The following SLC4A4 variants were observed in gnomAD, a reference collection of about 807,000 sequenced individuals.
The protein encoded by SLC4A4 is solute carrier family 4 member 4, also known as electrogenic sodium bicarbonate cotransporter 1.
SLC4A4 carries 27 observed loss-of-function variants against 111.5 expected under a neutral mutation model. That is an observed-to-expected ratio of 0.24 (90% confidence interval 0.18 to 0.33). The LOEUF is 0.33. Ranked by LOEUF, SLC4A4 falls within the 10% of genes least tolerant of loss-of-function variation. The probability of loss-of-function intolerance (pLI) is 1.00; values close to 1 mark genes in which losing one functional copy is unlikely to be tolerated. For missense variants in SLC4A4, 909 were observed against 1,315.5 expected, an observed-to-expected ratio of 0.69 and a Z score of 4.78; for synonymous variants, 443 against 463.4, an observed-to-expected ratio of 0.96 and a Z score of 0.57.
At chr4:71,163,322 A>T in intron 2 of SLC4A4, among the ~76,000 whole-genome samples, 1 of 152,170 alleles carries the variant, frequency 6.6e-6, no homozygotes, top group East Asian at 1.9e-4. Context: ...AATCAGCCAC[A>T]TTTTAATTTA....
chr4:71,365,644 G>T (rs1731174098), intron 6 of SLC4A4, among the ~76,000 whole-genome samples: 1 of 152,180 alleles, frequency 6.6e-6, no homozygotes, highest in Non-Finnish European at 1.5e-5. Context: ...TTCTAGGTTT[G>T]TGAACCCAAT....
chr4:71,552,709 CTGGGTATGAT>C (rs1736123059), intron 20 of SLC4A4, among the ~76,000 whole-genome samples: 2 of 151,692 alleles, frequency 1.3e-5, no homozygotes, highest in Admixed American at 1.3e-4. Context: ...TTTGTGCTTT[CTGGGTATGAT>C]TGGTTATCCA....
In SLC4A4 at chr4:71,137,450, A is replaced by G. The variant is rs148363941; in HGVS notation, c.-2+44658A>G. On this transcript the variant is annotated intron_variant, in intron 2 of 26. Coordinates refer to the SLC4A4 transcript ENST00000649996. ...CCTGAAGTGACTTTTCCATCCATTC[A>G]TTAATTAATTCATTAAATAATATTT... Among the ~76,000 whole-genome samples, 41 of 152,312 alleles carry G rather than the reference A, an allele frequency of 2.7e-4. 1 individual carries two copies. Among genetic ancestry groups the G allele is most frequent in the African/African-American group, 9.9e-4 (41 of 41,578 alleles).
intron 3 of SLC4A4, among the ~76,000 whole-genome samples, chr4:71,308,729 C>T (rs1438950225): frequency 6.6e-6 from 1 of 152,142 alleles, no homozygotes; most frequent in Non-Finnish European, 1.5e-5. Context: ...CAGGAGATTC[C>T]CTTGTGTGCC....
In SLC4A4 at chr4:71,160,337, C is replaced by T. The variant is rs535195816; in HGVS notation, c.-2+67545C>T. 1.3e-4 allele frequency among the ~76,000 whole-genome samples: 19 copies of T among 147,350 alleles called. 1 individual carries two copies. The South Asian group carries it at 3.2e-3, about 25-fold the overall frequency. The stretch of plus-strand genomic sequence containing the variant: ...TGTCTGGGTGAGTGTTAACTCCAGG[C>T]TTTTTTTTTTTCTTTTCAAGAACAC... On this transcript the variant is annotated intron_variant, in intron 2 of 26. Coordinates refer to the SLC4A4 transcript ENST00000649996.
chr4:71,369,093 G>A (rs1263401714), intron 6 of SLC4A4, among the ~76,000 whole-genome samples: 2 of 152,084 alleles, frequency 1.3e-5, no homozygotes, highest in Admixed American at 6.6e-5. Flanking sequence ...CCGCACCTTG[G>A]ATGATGACCC....
chr4:71,311,471 G>T (rs1050025139), intron 3 of SLC4A4, among the ~76,000 whole-genome samples: 38 of 152,120 alleles, frequency 2.5e-4, no homozygotes, highest in African/African-American at 9.2e-4. Flanking sequence ...AAATGCAAAA[G>T]AATGGAAATC....
At chr4:71,369,366 G>T (rs1443553320) in intron 6 of SLC4A4, among the ~76,000 whole-genome samples, 2 of 152,140 alleles carry the variant, frequency 1.3e-5, no homozygotes, top group African/African-American at 4.8e-5. Flanking sequence ...CCAAGTTGAG[G>T]ACATTGTAAG....
At chr4:71,338,969 G>T in intron 3 of SLC4A4, 1 of 1,030,540 alleles carries the variant, frequency 9.7e-7, no homozygotes, top group Non-Finnish European at 1.3e-6. Flanking sequence ...GGGGTACTTT[G>T]TTGTCCCTCC....
At position 71,497,649 on chromosome 4, in the gene SLC4A4, T is replaced by C. The variant is rs766766737; in HGVS notation, c.2123T>C (p.Met708Thr). The C allele has an allele frequency of 5.0e-6, 8 of 1,613,698 alleles. No individual in the cohort carries two copies. The highest frequency in any genetic ancestry group is 6.8e-6 in the Non-Finnish European group (8 of 1,179,732). Residue 708 changes from methionine (M) to threonine (T), a missense_variant, in exon 16 of 26, where the codon ATG (methionine) becomes ACG (threonine). Physicochemically the swap from Met to Thr is moderately conservative, Grantham distance 81. Transcript: ENST00000264485. Reference sequence around the variant, plus strand: ...TTCTTGGGAACCTACACCTCTTCCATGGCTCTGAAAAAATTCAAAACTAGT... The same window carrying C: ...TTCTTGGGAACCTACACCTCTTCCACGGCTCTGAAAAAATTCAAAACTAGT... ...ILFLGTYTSS[M>T]ALKKFKTSPY... is the part of the protein sequence containing the mutation.
At chr4:71,431,661 C>G (rs1327798582) in intron 7 of SLC4A4, among the ~76,000 whole-genome samples, 1 of 151,254 alleles carries the variant, frequency 6.6e-6, no homozygotes, top group Non-Finnish European at 1.5e-5. Context: ...GTTCAGGCAC[C>G]ACACATTTTT....
At chr4:71,141,029 T>C (rs558882821) in intron 2 of SLC4A4, among the ~76,000 whole-genome samples, 182 of 152,364 alleles carry the variant, frequency 1.2e-3, no homozygotes, top group Middle Eastern at 3.4e-3. Flanking sequence ...GAAATTTACT[T>C]CCTTAGCAAT....
chr4:71,182,387 A>T (rs1265704247), upstream of SLC4A4, among the ~76,000 whole-genome samples: 1 of 152,186 alleles, frequency 6.6e-6, no homozygotes, highest in Non-Finnish European at 1.5e-5. Context: ...TACTAGCAAC[A>T]TCAACTGTTT....
Position 71,121,714 on chromosome 4 carries a change from G to A in SLC4A4, c.-2+28922G>A, listed in dbSNP as rs183915502. Among the ~76,000 whole-genome samples the A allele has an allele frequency of 2.4e-3, 366 of 152,344 alleles. 1 individual carries two copies. The highest frequency in any genetic ancestry group is 8.4e-3 in the African/African-American group (351 of 41,582). On this transcript the variant is annotated intron_variant, in intron 2 of 26. Transcript: ENST00000649996. ...TGTAAAATGGACCAATCAGCAAGAT[G>A]TGGGTGGGGTCAGATAAGGGAATAA...
At chr4:71,273,847 C>T (rs1722883371) in intron 3 of SLC4A4, among the ~76,000 whole-genome samples, 1 of 152,132 alleles carries the variant, frequency 6.6e-6, no homozygotes, top group South Asian at 2.1e-4. Context: ...TTCTTTAAGT[C>T]TCAGTTTCTT....
chr4:71,064,559 A>G (rs1741465993), intron 1 of SLC4A4, among the ~76,000 whole-genome samples: 1 of 152,224 alleles, frequency 6.6e-6, no homozygotes, highest in Admixed American at 6.5e-5. Flanking sequence ...GATAATTTGA[A>G]ATGAAAACCA....
intron 4 of SLC4A4, among the ~76,000 whole-genome samples, chr4:71,346,086 T>C (rs1729301265): frequency 6.6e-6 from 1 of 152,060 alleles, no homozygotes; most frequent in African/African-American, 2.4e-5. Context: ...GAGGTCTTTT[T>C]TTTTCTTAAT....
chr4:71,506,903 G>A (rs1298029432), intron 16 of SLC4A4, among the ~76,000 whole-genome samples: 1 of 152,092 alleles, frequency 6.6e-6, no homozygotes, highest in Non-Finnish European at 1.5e-5. Flanking sequence ...CCTCTCAGTG[G>A]AAATCCTATG....
At chr4:71,072,507 A>G (rs928327532) in intron 1 of SLC4A4, among the ~76,000 whole-genome samples, 10 of 152,270 alleles carry the variant, frequency 6.6e-5, no homozygotes, top group Admixed American at 4.6e-4. Context: ...TGATAGGCAT[A>G]GTCTTCTCTT....
Sources: allele counts gnomAD v4.1 joint callset (sites outside exome capture counted in the v4.1 genomes callset), GRCh38; gene constraint gnomAD v4.1.1; transcripts MANE v1.5; gene names NCBI Gene and HGNC (gene_info 2026-07-23, HGNC 2026-07-21).